Variants in SH3GL3 observed in about 807,000 individuals in gnomAD.
SH3GL3 encodes endophilin-A3.
A neutral mutation model predicts 47.7 loss-of-function variants in SH3GL3; 33 were observed. The ratio of observed to expected loss-of-function variants is 0.69; its 90% CI spans 0.52 to 0.92. The LOEUF (loss-of-function observed/expected upper bound fraction) is 0.92. Among genes scored for constraint, SH3GL3 ranks in the 40% least tolerant of loss-of-function variants. The pLI is 0.00. For missense variants in SH3GL3, 363 were observed against 417.8 expected (o/e 0.87, Z 1.14); for synonymous variants, 155 against 148.8 (o/e 1.04, Z -0.30).
intron 1 of SH3GL3, among the ~76,000 whole-genome samples, chr15:83,505,523 C>CTTTTTTTTTTTTT (rs35112953): frequency 1.1e-5 from 1 of 92,036 alleles, no homozygotes; most frequent in African/African-American, 4.4e-5. Context: ...CTTGAATTTC[C>CTTTTTTTTTTTTT]TTTTTTTTTT....
intron 1 of SH3GL3, among the ~76,000 whole-genome samples, chr15:83,554,971 C>G (rs1337533116): frequency 2.0e-5 from 3 of 152,100 alleles, no homozygotes; most frequent in Non-Finnish European, 4.4e-5. Flanking sequence ...CTCCTATATT[C>G]TGTTGTTTTT....
intron 6 of SH3GL3, among the ~76,000 whole-genome samples, chr15:83,579,267 C>T (rs1248486310): frequency 1.3e-5 from 2 of 152,212 alleles, no homozygotes; most frequent in Non-Finnish European, 2.9e-5. Flanking sequence ...TTGCTCCGGC[C>T]TGGTTGCAGT....
chr15:83,564,674 A>T (rs1369079050), intron 2 of SH3GL3, among the ~76,000 whole-genome samples: 1 of 152,192 alleles, frequency 6.6e-6, no homozygotes, highest in Non-Finnish European at 1.5e-5. Context: ...ATAATATAAT[A>T]CTAATGATTA....
intron 8 of SH3GL3, among the ~76,000 whole-genome samples, chr15:83,609,622 A>C (rs2060612651): frequency 6.6e-6 from 1 of 152,160 alleles, no homozygotes; most frequent in Non-Finnish European, 1.5e-5. Context: ...GCTCTGACCG[A>C]ATGCTTCCAG....
At chr15:83,502,455 C>T (rs932933380) in intron 1 of SH3GL3, among the ~76,000 whole-genome samples, 4 of 152,222 alleles carry the variant, frequency 2.6e-5, no homozygotes, top group South Asian at 2.1e-4. Flanking sequence ...CCCAAATTAC[C>T]CAGGAATAGG....
intron 1 of SH3GL3, among the ~76,000 whole-genome samples, chr15:83,457,528 G>A (rs1468123149): frequency 1.3e-5 from 2 of 152,128 alleles, no homozygotes; most frequent in Non-Finnish European, 2.9e-5. Context: ...TATACAGGCT[G>A]GCCATTTAGG....
At chr15:83,465,523 G>T (rs760607341) in intron 1 of SH3GL3, among the ~76,000 whole-genome samples, 1 of 151,834 alleles carries the variant, frequency 6.6e-6, no homozygotes, top group Non-Finnish European at 1.5e-5. Flanking sequence ...TTCTAAGAAA[G>T]GTCATTCTAT....
chr15:83,450,735 C>T (rs1595993546), intron 1 of SH3GL3, among the ~76,000 whole-genome samples: 9 of 102,962 alleles, frequency 8.7e-5, no homozygotes, highest in Admixed American at 1.0e-4. Context: ...TATGCATTAT[C>T]CTTTATTAAA....
At chr15:83,629,319 A>G in the SH3GL3 span, among the ~76,000 whole-genome samples, 1 of 152,250 alleles carries the variant, frequency 6.6e-6, no homozygotes, top group Non-Finnish European at 1.5e-5. Context: ...TGTGTAAAAT[A>G]GAGTCATCAA....
chr15:83,447,627 G>C lies in SH3GL3; in HGVS notation c.45+49G>C, dbSNP rs1393007967. On this transcript the variant is annotated intron_variant, in intron 1 of 8. Transcript: ENST00000427482. The surrounding 1 kb of genome is among the most constrained non-coding windows in gnomAD (Gnocchi z 5.1). ...GGAGGGAGGGGGACGCGGAGGCTGC[G>C]GCCCCCCGAGGCTCCCGGGCCTTTG... 6 of 1,332,772 alleles carry C rather than the reference G, an allele frequency of 4.5e-6. No individual in the cohort carries two copies. The African/African-American group carries it at 4.6e-5, about 10-fold the overall frequency. The allele number at this position is 1,332,772 out of a possible 1,614,324, so 82.6% of individuals were successfully genotyped here. A position where few individuals can be genotyped will look rare whatever the true frequency, so the allele number is the denominator to read the frequency against.
intron 2 of SH3GL3, among the ~76,000 whole-genome samples, chr15:83,559,563 T>G (rs2045149922): frequency 6.6e-6 from 1 of 152,196 alleles, no homozygotes; most frequent in Non-Finnish European, 1.5e-5. Context: ...TACCCTCTAG[T>G]GGCCAGAAGT....
chr15:83,531,664 C>T (rs76605033), intron 1 of SH3GL3, among the ~76,000 whole-genome samples: 4,841 of 152,022 alleles, frequency 0.032, 95 homozygotes, highest in Non-Finnish European at 0.045. Context: ...AACTCATTGG[C>T]AGTTGTATGG....
chr15:83,508,540 A>G (rs1437361450), intron 1 of SH3GL3, among the ~76,000 whole-genome samples: 1 of 151,866 alleles, frequency 6.6e-6, no homozygotes, highest in Non-Finnish European at 1.5e-5. Context: ...GAGAGGAGCC[A>G]TTGCAGAGTT....
chr15:83,610,934 T>C (rs1376434309), intron 8 of SH3GL3, among the ~76,000 whole-genome samples: 1 of 151,950 alleles, frequency 6.6e-6, no homozygotes, highest in Non-Finnish European at 1.5e-5. Flanking sequence ...TCAGCATTTC[T>C]GCATATGCAA....
chr15:83,459,049 C>A (rs540009733), intron 1 of SH3GL3, among the ~76,000 whole-genome samples: 158 of 152,318 alleles, frequency 1.0e-3, no homozygotes, highest in African/African-American at 3.7e-3. Context: ...GGCCCGAGAG[C>A]CCCTGGCAAA....
At chr15:83,589,347 A>ACT (rs2060033664) in intron 8 of SH3GL3, among the ~76,000 whole-genome samples, 1 of 152,126 alleles carries the variant, frequency 6.6e-6, no homozygotes, top group African/African-American at 2.4e-5. Context: ...AAATATACAC[A>ACT]TAAACAGCGT....
chr15:83,554,074 C>T (rs1475478605), intron 1 of SH3GL3, among the ~76,000 whole-genome samples: 1 of 142,532 alleles, frequency 7.0e-6, no homozygotes, highest in Non-Finnish European at 1.5e-5. Flanking sequence ...GGCTGGAGTG[C>T]GGTGGTGTGA....
At chr15:83,499,268 A>G (rs561646028) in intron 1 of SH3GL3, among the ~76,000 whole-genome samples, 8 of 152,250 alleles carry the variant, frequency 5.3e-5, no homozygotes, top group African/African-American at 1.7e-4. Flanking sequence ...CATTAAAGTC[A>G]TAAATGTAAA....
At chr15:83,601,791 G>A (rs2060387437) in intron 8 of SH3GL3, among the ~76,000 whole-genome samples, 1 of 150,184 alleles carries the variant, frequency 6.7e-6, no homozygotes, top group African/African-American at 2.5e-5. Context: ...TTCTTTGAAT[G>A]TCTGATAGAA....
Sources: allele counts gnomAD v4.1 joint callset (sites outside exome capture counted in the v4.1 genomes callset), GRCh38; gene constraint gnomAD v4.1.1; non-coding constraint Gnocchi (gnomAD v3.1); transcripts MANE v1.5; gene names NCBI Gene and HGNC (gene_info 2026-07-23, HGNC 2026-07-21).